GPC5: variants seen among roughly 807,000 people sequenced by gnomAD.
GPC5 encodes glypican-5.
A neutral mutation model predicts 53.9 loss-of-function variants in GPC5; 47 were observed. The ratio of observed to expected loss-of-function variants is 0.87; its 90% CI spans 0.69 to 1.11. The LOEUF (loss-of-function observed/expected upper bound fraction) is 1.11. Ranked by LOEUF, GPC5 falls within the 50% of genes most tolerant of loss-of-function variation. GPC5 has a pLI of 0.00. For missense variants in GPC5, 748 were observed against 713.1 expected (o/e 1.05, Z -0.56); for synonymous variants, 286 against 263.3 (o/e 1.09, Z -0.84).
At chr13:91,759,655 C>T (rs943463683) in intron 5 of GPC5, among the ~76,000 whole-genome samples, 9 of 152,174 alleles carry the variant, frequency 5.9e-5, no homozygotes, top group African/African-American at 1.9e-4. Flanking sequence ...GCTTATTTCA[C>T]TCAACATAAT....
At chr13:92,528,500 A>G (rs1298265548) in intron 7 of GPC5, among the ~76,000 whole-genome samples, 1 of 151,984 alleles carries the variant, frequency 6.6e-6, no homozygotes, top group Non-Finnish European at 1.5e-5. Context: ...ATTAATGTCT[A>G]GTATCTCTGT....
At chr13:92,827,152 G>C (rs1030563545) in intron 7 of GPC5, among the ~76,000 whole-genome samples, 2 of 152,064 alleles carry the variant, frequency 1.3e-5, no homozygotes, top group African/African-American at 4.8e-5. Context: ...GTGGGGGAGA[G>C]AGAAAGGAGA....
In GPC5 at chr13:92,320,978, G is replaced by A. The variant is rs559736088; in HGVS notation, c.1561+175989G>A. Among the ~76,000 whole-genome samples, 87 of 152,146 alleles carry A rather than the reference G, an allele frequency of 5.7e-4. 1 individual carries two copies. In the South Asian group the frequency reaches 0.018, roughly 31 times the overall value. ...TTATTAAATTTGAAATTTAATATGAGTTATTTTACTTGATATTAGCAAATT... is the reference window on the plus strand; with the variant it reads ...TTATTAAATTTGAAATTTAATATGAATTATTTTACTTGATATTAGCAAATT... On this transcript the variant is annotated intron_variant, in intron 7 of 7. Transcript: ENST00000377067.
intron 7 of GPC5, among the ~76,000 whole-genome samples, chr13:92,373,722 T>A (rs1395210832): frequency 4.6e-5 from 7 of 152,236 alleles, no homozygotes; most frequent in African/African-American, 1.7e-4. Flanking sequence ...TGAAATTGTA[T>A]ACATCACAAC....
intron 7 of GPC5, among the ~76,000 whole-genome samples, chr13:92,657,258 A>G (rs1886167141): frequency 6.6e-6 from 1 of 152,178 alleles, no homozygotes. Flanking sequence ...TTAAATAAAA[A>G]GAAAAAGTCA....
intron 5 of GPC5, among the ~76,000 whole-genome samples, chr13:91,822,784 T>C (rs538008884): frequency 2.0e-4 from 31 of 152,222 alleles, no homozygotes; most frequent in African/African-American, 7.2e-4. Context: ...AGGATGAATA[T>C]GATAATCACA....
chr13:91,438,267 C>A (rs1880140170), intron 1 of GPC5, among the ~76,000 whole-genome samples: 1 of 152,168 alleles, frequency 6.6e-6, no homozygotes, highest in African/African-American at 2.4e-5. Flanking sequence ...TTTTTCTGCT[C>A]TGTTTTTTCC....
intron 5 of GPC5, among the ~76,000 whole-genome samples, chr13:91,807,590 T>G (rs1027360931): frequency 6.6e-6 from 1 of 152,212 alleles, no homozygotes; most frequent in African/African-American, 2.4e-5. Context: ...GCCATTGTTC[T>G]CCTTGTGTTT....
At chr13:92,633,435 A>C (rs1013111129) in intron 7 of GPC5, among the ~76,000 whole-genome samples, 28 of 152,150 alleles carry the variant, frequency 1.8e-4, no homozygotes, top group Admixed American at 1.3e-4. Context: ...AATTTAAGAA[A>C]AGCTGAGGGT....
rs1211487125 is a variant in GPC5 at position 92,580,580 on chromosome 13, G to A, written c.1562-285702G>A. Among the ~76,000 whole-genome samples the A allele has an allele frequency of 2.0e-5, 3 of 152,140 alleles. No homozygotes were observed. The East Asian group carries it at 5.8e-4, about 29-fold the overall frequency. ...CTCAGATTCTGCAGGCTGTACAGGAGGAATGGCACCAGCATCTACTTGGCT... is the reference window on the plus strand; with the variant it reads ...CTCAGATTCTGCAGGCTGTACAGGAAGAATGGCACCAGCATCTACTTGGCT... On this transcript the variant is annotated intron_variant, in intron 7 of 7. Transcript: ENST00000377067.
intron 7 of GPC5, among the ~76,000 whole-genome samples, chr13:92,674,348 T>C (rs1886857612): frequency 6.6e-6 from 1 of 152,178 alleles, no homozygotes; most frequent in South Asian, 2.1e-4. Flanking sequence ...CTCTGGTGTT[T>C]CAAGTGTGCT....
At chr13:92,382,001 T>C (rs1051195243) in intron 7 of GPC5, among the ~76,000 whole-genome samples, 1 of 149,276 alleles carries the variant, frequency 6.7e-6, no homozygotes, top group Admixed American at 6.8e-5. Context: ...TATCTATCTA[T>C]CTATATATCT....
At chr13:91,533,813 A>C (rs1029059344) in intron 2 of GPC5, among the ~76,000 whole-genome samples, 8 of 152,206 alleles carry the variant, frequency 5.3e-5, no homozygotes, top group African/African-American at 1.7e-4. Flanking sequence ...TGTGATTCCA[A>C]AATCAATGAT....
At chr13:92,274,206 C>T (rs539043795) in intron 7 of GPC5, among the ~76,000 whole-genome samples, 6 of 152,228 alleles carry the variant, frequency 3.9e-5, no homozygotes, top group East Asian at 3.9e-4. Flanking sequence ...ATTATAGATA[C>T]GGATTACATG....
intron 1 of GPC5, among the ~76,000 whole-genome samples, chr13:91,439,169 G>A (rs1880232689): frequency 6.6e-6 from 1 of 152,176 alleles, no homozygotes; most frequent in Non-Finnish European, 1.5e-5. Flanking sequence ...TTGGCCAGTG[G>A]TTCTCAACCA....
intron 7 of GPC5, among the ~76,000 whole-genome samples, chr13:92,239,316 G>A (rs951590687): frequency 6.6e-6 from 1 of 151,850 alleles, no homozygotes; most frequent in African/African-American, 2.4e-5. Flanking sequence ...TCTTAAAAAT[G>A]AACAAGGGTT....
intron 5 of GPC5, among the ~76,000 whole-genome samples, chr13:91,840,256 C>T (rs1273614961): frequency 4.0e-5 from 6 of 151,850 alleles, no homozygotes; most frequent in East Asian, 3.9e-4. Context: ...TTTTGAGATC[C>T]GGCACTTTGA....
chr13:92,133,388 T>G (rs2041760350), intron 6 of GPC5, among the ~76,000 whole-genome samples: 1 of 152,174 alleles, frequency 6.6e-6, no homozygotes, highest in African/African-American at 2.4e-5. Context: ...TTTAATAGAC[T>G]GGGAAACTTT....
At chr13:92,174,567 AAC>A (rs2042095804) in intron 7 of GPC5, among the ~76,000 whole-genome samples, 1 of 151,642 alleles carries the variant, frequency 6.6e-6, no homozygotes, top group African/African-American at 2.4e-5. Context: ...CAACAACAAC[AAC>A]AAAAAAAACA....
Sources: gnomAD v4.1 joint callset for allele counts (sites outside exome capture counted in the v4.1 genomes callset) on GRCh38, gnomAD v4.1.1 for gene constraint, MANE v1.5 for transcripts, NCBI Gene and HGNC (gene_info 2026-07-23, HGNC 2026-07-21) for gene names.